The following COL4A3 variants were observed in gnomAD, a reference collection of about 807,000 sequenced individuals.
The protein encoded by COL4A3 is collagen type IV alpha 3 chain, also known as collagen alpha-3(IV) chain.
COL4A3 carries 135 observed loss-of-function variants against 217.4 expected under a neutral mutation model. The observed-to-expected ratio is 0.62, with a 90% CI of 0.54 to 0.72. The LOEUF (loss-of-function observed/expected upper bound fraction) is 0.72. Ranked by LOEUF, COL4A3 falls within the 30% of genes least tolerant of loss-of-function variation. The pLI, the probability that COL4A3 is intolerant of heterozygous loss-of-function variation, is 0.00. For synonymous variants in COL4A3, 690 were observed against 736.3 expected (o/e 0.94, Z 1.02); for missense variants, 1,868 against 2,119.9 (o/e 0.88, Z 2.33).
At position 227,202,936 on chromosome 2, in the gene COL4A3, T is replaced by TATATATAC. The variant is rs1415959189; in HGVS notation, c.88-35026_88-35025insACATATAT. On this transcript the variant is annotated intron_variant, in intron 1 of 51. Transcript: ENST00000396578. Reference sequence around the variant, plus strand: ...ATATACATATATGTGTATATATGTGTATATATGTGTATATATACATATATG... The same window carrying TATATATAC: ...ATATACATATATGTGTATATATGTGTATATATACATATATGTGTATATATACATATATG... 9.2e-4 allele frequency among the ~76,000 whole-genome samples: 25 copies of TATATATAC among 27,308 alleles called. 3 individuals are homozygous for TATATATAC. Among genetic ancestry groups the TATATATAC allele is most frequent in the Admixed American group, 2.4e-3 (5 of 2,094 alleles). The allele number at this position is 27,308 out of a possible 152,430, so 17.9% of individuals were successfully genotyped here. A position where few individuals can be genotyped will look rare whatever the true frequency, so the allele number is the denominator to read the frequency against.
chr2:227,296,508 G>C, intron 41 of COL4A3: 1 of 982,240 alleles, frequency 1.0e-6, no homozygotes, highest in Non-Finnish European at 1.2e-6. Flanking sequence ...ATGGAGAAGA[G>C]TTCATTGAGA....
At chr2:227,289,288 A>G (rs1185499504) in intron 35 of COL4A3, 40 bp downstream of exon 35, 16 of 1,508,068 alleles carry the variant, frequency 1.1e-5, no homozygotes, top group Non-Finnish European at 1.5e-5. Flanking sequence ...CACATTTTAC[A>G]CTTTCCTACA....
At chr2:227,182,042 T>C (rs2065881874) in intron 1 of COL4A3, among the ~76,000 whole-genome samples, 2 of 152,206 alleles carry the variant, frequency 1.3e-5, no homozygotes, top group Admixed American at 1.3e-4. Context: ...AAATTGAAGA[T>C]CTAATTTTTA....
chr2:227,269,809 C>T, intron 23 of COL4A3, 101 bp from the exon 24 acceptor site: 2 of 956,548 alleles, frequency 2.1e-6, no homozygotes, highest in East Asian at 5.2e-5. Context: ...GTCTTTCTTT[C>T]CCCACAAGGA....
At chr2:227,209,180 A>C (rs931184142) in intron 1 of COL4A3, among the ~76,000 whole-genome samples, 2 of 152,232 alleles carry the variant, frequency 1.3e-5, no homozygotes, top group African/African-American at 4.8e-5. Flanking sequence ...AAACAGGGGT[A>C]CTTGAAAGGT....
chr2:227,266,355 C>A, intron 21 of COL4A3, 62 bp from the exon 22 acceptor site: 1 of 1,207,128 alleles, frequency 8.3e-7, no homozygotes, highest in Non-Finnish European at 1.2e-6. Context: ...ACATATATTA[C>A]AATACTTGCT....
intron 38 of COL4A3, 80 bp downstream of exon 38, chr2:227,293,397 A>C: frequency 6.7e-7 from 1 of 1,503,088 alleles, no homozygotes; most frequent in Non-Finnish European, 9.1e-7. Context: ...TGGTAAACAG[A>C]AAGCTATTTA....
At chr2:227,236,895 A>T (rs747395580) in intron 1 of COL4A3, among the ~76,000 whole-genome samples, 2 of 152,150 alleles carry the variant, frequency 1.3e-5, no homozygotes, top group Non-Finnish European at 2.9e-5. Flanking sequence ...TCCTGACCTC[A>T]AGTGACCTGC....
At chr2:227,287,621 C>G (rs1278402364) in intron 34 of COL4A3, among the ~76,000 whole-genome samples, 1 of 152,150 alleles carries the variant, frequency 6.6e-6, no homozygotes, top group Non-Finnish European at 1.5e-5. Flanking sequence ...ACAAAACAAT[C>G]TAACTCCCTG....
chr2:227,304,226 T>A, intron 46 of COL4A3, 82 bp downstream of exon 46: 1 of 1,541,894 alleles, frequency 6.5e-7, no homozygotes, highest in Non-Finnish European at 8.9e-7. Context: ...AAACAGCTGA[T>A]ACAACTTCAC....
intron 1 of COL4A3, among the ~76,000 whole-genome samples, chr2:227,199,630 G>A (rs12478302): frequency 0.049 from 7,452 of 152,162 alleles, 333 homozygotes; most frequent in Non-Finnish European, 0.062. Flanking sequence ...TTTCTGCATT[G>A]TCGTCCATAA....
chr2:227,182,568 C>A (rs952498907), intron 1 of COL4A3, among the ~76,000 whole-genome samples: 1 of 152,100 alleles, frequency 6.6e-6, no homozygotes, highest in African/African-American at 2.4e-5. Context: ...CTGGCTTAAA[C>A]CATGCATCAA....
chr2:227,289,344 C>T (rs2072538742), intron 35 of COL4A3, 96 bp downstream of exon 35: 1 of 1,005,818 alleles, frequency 9.9e-7, no homozygotes, highest in Non-Finnish European at 1.5e-6. Context: ...GTTTAAATAT[C>T]AATTCTGTTC....
chr2:227,244,297 T>C, intron 3 of COL4A3, 23 bp from the exon 4 acceptor site: 3 of 1,613,028 alleles, frequency 1.9e-6, no homozygotes, highest in Non-Finnish European at 2.5e-6. Context: ...GTGTTTACTT[T>C]TTCTTTTTTC....
intron 35 of COL4A3, 138 bp downstream of exon 35, chr2:227,289,386 A>C: frequency 1.3e-6 from 1 of 741,418 alleles, no homozygotes; most frequent in East Asian, 2.8e-5. Context: ...TTGCTACTAA[A>C]TTAACTAAAA....
intron 1 of COL4A3, among the ~76,000 whole-genome samples, chr2:227,168,414 T>C (rs530879952): frequency 6.6e-5 from 10 of 152,370 alleles, no homozygotes; most frequent in African/African-American, 2.4e-4. Flanking sequence ...TCTTTTTTAA[T>C]TGGCCCTTTA....
intron 1 of COL4A3, among the ~76,000 whole-genome samples, chr2:227,166,615 A>G (rs1283530706): frequency 6.6e-6 from 1 of 152,146 alleles, no homozygotes; most frequent in Admixed American, 6.5e-5. Context: ...AGTTTGGCCA[A>G]ATCTTGGTGA....
At chr2:227,231,127 T>A (rs1306390456) in intron 1 of COL4A3, among the ~76,000 whole-genome samples, 1 of 152,086 alleles carries the variant, frequency 6.6e-6, no homozygotes. Flanking sequence ...GCAGACCACA[T>A]GCAAGTAGAT....
chr2:227,282,504 A>T lies in COL4A3; in HGVS notation c.2628A>T (p.Pro876=), dbSNP rs2072049173. 2 of 1,613,852 alleles carry T rather than the reference A, an allele frequency of 1.2e-6. No homozygotes were observed. The highest frequency in any genetic ancestry group is 1.7e-6 in the Non-Finnish European group (2 of 1,179,926). The change falls in exon 32 of 52, where the codon CCA becomes CCT. Residue 876 remains proline, a synonymous_variant. Coordinates refer to ENST00000396578, the MANE Select transcript of COL4A3 (RefSeq NM_000091.5). This position sits in a 1 kb window ranked among gnomAD's most constrained non-coding sequence, Gnocchi z 4.4. The part of the protein sequence containing the change: ...EMGPLGQRGY[P]GNPGILGPPG... ...GACCACTGGGTCAAAGAGGATATCC[A>T]GGAAATCCGGGAATTTTAGGGCCAC...
Sources: allele counts gnomAD v4.1 joint callset (sites outside exome capture counted in the v4.1 genomes callset), GRCh38; gene constraint gnomAD v4.1.1; non-coding constraint Gnocchi (gnomAD v3.1); transcripts MANE v1.5; gene names NCBI Gene and HGNC (gene_info 2026-07-23, HGNC 2026-07-21).